The following KIAA0319 variants were observed in gnomAD, a reference collection of about 807,000 sequenced individuals.
KIAA0319 encodes the protein dyslexia-associated protein KIAA0319.
KIAA0319 carries 83 observed loss-of-function variants against 108.4 expected under a neutral mutation model. That is an observed-to-expected ratio of 0.77 (90% CI 0.64 to 0.92). The LOEUF is 0.92. KIAA0319 is among the 40% of genes least tolerant of loss of function. The probability of loss-of-function intolerance (pLI) is 0.00; values close to 1 mark genes in which losing one functional copy is unlikely to be tolerated. For missense variants in KIAA0319, 1,195 were observed against 1,322.4 expected, an observed-to-expected ratio of 0.90 and a Z score of 1.49; for synonymous variants, 484 against 510.4, an observed-to-expected ratio of 0.95 and a Z score of 0.70.
In KIAA0319 at chr6:24,646,040, G is replaced by T. The variant is rs892659667; in HGVS notation, c.-410C>A. ...AGCTACTGCTGCGCTCTCACCTCCG[G>T]CAGTGACAGCGAGCGCCGCCGCCGC... On this transcript the variant is annotated 5_prime_UTR_variant, in exon 1 of 21. Transcript: ENST00000378214. 1.3e-5 allele frequency: 2 copies of T among 152,740 alleles called. No individual in the cohort carries two copies. The highest frequency in any genetic ancestry group is 2.9e-5 in the Non-Finnish European group (2 of 68,522). 9.5% of individuals were successfully genotyped at this position (152,740 alleles called of 1,614,324 possible).
In KIAA0319 at chr6:24,609,472, G is replaced by C. The variant is rs550874595; in HGVS notation, c.-105-8264C>G. 3.3e-5 allele frequency among the ~76,000 whole-genome samples: 5 copies of C among 151,720 alleles called. No individual in the cohort carries two copies. The East Asian group carries it at 9.7e-4, about 29-fold the overall frequency. ...CATGCCTGTAATCCCAGCTAATCAG[G>C]AGGCTGAGGCAGAAGAATTGCTTGA... On this transcript the variant is annotated intron_variant, in intron 1 of 20. Transcript: ENST00000378214.
chr6:24,572,756 CA>C, intron 10 of KIAA0319, 58 bp from the exon 11 acceptor site: 1 of 1,460,606 alleles, frequency 6.8e-7, no homozygotes, highest in Middle Eastern at 1.8e-4. Context: ...TAAAGAAGCA[CA>C]AGTAAATAGT....
rs577167801 is a variant in KIAA0319, at chr6:24,576,659, C to T, written c.1506-63G>A. On this transcript the variant is annotated intron_variant, in intron 9 of 20. Transcript: ENST00000378214. ...GCCAGGCTGGGTGCAGTGACTCACG[C>T]CTGTAATCCCAACACTGTGGGAAGC... The T allele has an allele frequency of 9.1e-5, 119 of 1,304,332 alleles. No homozygotes were observed. The African/African-American group carries it at 1.7e-3, about 18-fold the overall frequency. The allele number at this position is 1,304,332 out of a possible 1,614,324, so 80.8% of individuals were successfully genotyped here.
At chr6:24,621,124 A>C (rs1055990388) in intron 1 of KIAA0319, among the ~76,000 whole-genome samples, 12 of 152,290 alleles carry the variant, frequency 7.9e-5, no homozygotes, top group African/African-American at 2.9e-4. Context: ...TTCCAAATGA[A>C]GGTGTTGGCT....
At chr6:24,541,650 T>C (rs1038640232), downstream of KIAA0319, among the ~76,000 whole-genome samples, 1 of 151,808 alleles carries the variant, frequency 6.6e-6, no homozygotes, top group African/African-American at 2.4e-5. Context: ...ATACAAAAAT[T>C]AGCCCGTCAT....
intron 13 of KIAA0319, among the ~76,000 whole-genome samples, chr6:24,568,401 A>G (rs1203959662): frequency 6.6e-6 from 1 of 152,228 alleles, no homozygotes; most frequent in Non-Finnish European, 1.5e-5. Flanking sequence ...AGTATTCACT[A>G]GTCTAGACCA....
intron 6 of KIAA0319, 147 bp from the exon 7 acceptor site, chr6:24,581,160 G>A (rs1766476854): frequency 1.6e-6 from 1 of 637,060 alleles, no homozygotes; most frequent in Non-Finnish European, 2.8e-6. Context: ...GATCTGTCAA[G>A]AGGCTGCCGC....
chr6:24,626,994 A>T (rs1774806230), intron 1 of KIAA0319, among the ~76,000 whole-genome samples: 1 of 152,226 alleles, frequency 6.6e-6, no homozygotes, highest in Non-Finnish European at 1.5e-5. Context: ...AGAGTGAGTT[A>T]TTGAACAGAT....
At chr6:24,562,610 T>G (rs1436620420) in intron 16 of KIAA0319, among the ~76,000 whole-genome samples, 1 of 152,160 alleles carries the variant, frequency 6.6e-6, no homozygotes, top group Non-Finnish European at 1.5e-5. Flanking sequence ...GAGGCCTAAG[T>G]GGGCGAATCA....
rs759332196 is a variant in KIAA0319, at chr6:24,596,521, G to T, written c.153C>A (p.Thr51=). The change falls in exon 3 of 21, where the codon ACC becomes ACA. Residue 51 remains threonine (T), a synonymous_variant. Coordinates refer to ENST00000378214, the MANE Select transcript of KIAA0319 (RefSeq NM_014809.4). ...ETTRIMRVSH[T]FPVVDCTAAC... ...CGGCCGTGCAGTCTACGACAGGGAA[G>T]GTGTGAGACACCCGCATGATTCTGG... The T allele has an allele frequency of 6.2e-7, 1 of 1,614,038 alleles. No individual in the cohort carries two copies. Among genetic ancestry groups the T allele is most frequent in the South Asian group, 1.1e-5 (1 of 91,082 alleles).
chr6:24,556,108 G>C (rs992248814), intron 18 of KIAA0319, among the ~76,000 whole-genome samples: 1 of 152,064 alleles, frequency 6.6e-6, no homozygotes, highest in African/African-American at 2.4e-5. Context: ...TAACTGCAGA[G>C]CTAGGCAGAT....
At chr6:24,563,609 A>C in intron 15 of KIAA0319, 91 bp from the exon 16 acceptor site, 1 of 1,165,162 alleles carries the variant, frequency 8.6e-7, no homozygotes, top group East Asian at 2.6e-5. Flanking sequence ...GCTCAAAGTT[A>C]CTCCTATGCC....
At chr6:24,594,677 AT>A (rs1017628549) in intron 3 of KIAA0319, among the ~76,000 whole-genome samples, 1 of 151,988 alleles carries the variant, frequency 6.6e-6, no homozygotes, top group African/African-American at 2.4e-5. Flanking sequence ...ACTTCTAGAC[AT>A]TTTTAAACAA....
chr6:24,598,191 C>A, intron 2 of KIAA0319: 3 of 473,970 alleles, frequency 6.3e-6, no homozygotes, highest in Admixed American at 2.9e-5. Flanking sequence ...TGGGTGGAGG[C>A]TATGGCGGGA....
rs180975613 is a variant in KIAA0319, at chr6:24,579,431, A to G, written c.1372+427T>C. ...TATAAAGATATATATATATATATAT[A>G]TCTTATATATCTCATATATATCTTA... On this transcript the variant is annotated intron_variant, in intron 8 of 20. Transcript: ENST00000378214. Among the ~76,000 whole-genome samples, 487 of 134,714 alleles carry G rather than the reference A, an allele frequency of 3.6e-3. 4 individuals are homozygous for G. Among genetic ancestry groups the G allele is most frequent in the Admixed American group, 5.7e-3 (75 of 13,216 alleles). The allele number at this position is 134,714 out of a possible 152,430, so 88.4% of individuals were successfully genotyped here.
chr6:24,634,907 G>A lies in KIAA0319; in HGVS notation c.-106+10829C>T, dbSNP rs149691219. Among the ~76,000 whole-genome samples, 479 of 152,270 alleles carry A rather than the reference G, an allele frequency of 3.1e-3. 1 individual carries two copies. Among genetic ancestry groups the A allele is most frequent in the Non-Finnish European group, 5.2e-3 (353 of 68,010 alleles). The stretch of plus-strand genomic sequence containing the variant: ...AAAACCTGGCTAGAGGGGAAAGAGG[G>A]AGGATATGGTAATCCACATGTTCCA... On this transcript the variant is annotated intron_variant, in intron 1 of 20. Coordinates refer to ENST00000378214, the MANE Select transcript of KIAA0319 (RefSeq NM_014809.4).
intron 20 of KIAA0319, 123 bp downstream of exon 20, chr6:24,551,311 C>A (rs540651158): frequency 1.4e-6 from 1 of 707,178 alleles, no homozygotes; most frequent in Non-Finnish European, 2.5e-6. Context: ...CAGCCTCACT[C>A]TTCCTTCCCA....
At chr6:24,553,883 C>T (rs1439423010) in intron 19 of KIAA0319, among the ~76,000 whole-genome samples, 1 of 152,238 alleles carries the variant, frequency 6.6e-6, no homozygotes, top group African/African-American at 2.4e-5. Flanking sequence ...CCATATCTCA[C>T]CCTATGCATC....
At chr6:24,638,249 T>C (rs1056497778) in intron 1 of KIAA0319, among the ~76,000 whole-genome samples, 1 of 152,184 alleles carries the variant, frequency 6.6e-6, no homozygotes, top group Non-Finnish European at 1.5e-5. Context: ...TTTAAGGGTA[T>C]AGTTTAAAAT....
Sources: gnomAD v4.1 joint callset for allele counts (sites outside exome capture counted in the v4.1 genomes callset) on GRCh38, gnomAD v4.1.1 for gene constraint, MANE v1.5 for transcripts, NCBI Gene and HGNC (gene_info 2026-07-23, HGNC 2026-07-21) for gene names.